The following SHANK2 variants were observed in gnomAD, a reference collection of about 807,000 sequenced individuals.
SHANK2 encodes the protein SH3 and multiple ankyrin repeat domains protein 2.
In SHANK2, 43 loss-of-function variants were observed where a neutral mutation model predicts 133.7. That is an observed-to-expected ratio of 0.32 (90% CI 0.25 to 0.41). SHANK2 has a LOEUF of 0.41. Among genes scored for constraint, SHANK2 ranks in the 10% least tolerant of loss-of-function variants. The probability of loss-of-function intolerance (pLI) is 1.00; values close to 1 mark genes in which losing one functional copy is unlikely to be tolerated. For missense variants in SHANK2, 1,994 were observed against 2,235.8 expected (o/e 0.89, Z 2.18); for synonymous variants, 1,017 against 952.8 (o/e 1.07, Z -1.24).
intron 9 of SHANK2, among the ~76,000 whole-genome samples, chr11:71,062,902 C>A (rs911394718): frequency 1.3e-5 from 2 of 148,182 alleles, no homozygotes; most frequent in Admixed American, 1.4e-4. Context: ...GAGGCTGAGG[C>A]AGGAGGATCT....
chr11:71,127,178 T>G lies in SHANK2; in HGVS notation c.208-8146A>C, dbSNP rs113583214. Among the ~76,000 whole-genome samples, 262 of 152,312 alleles carry G rather than the reference T, an allele frequency of 1.7e-3. 1 individual carries two copies. Among genetic ancestry groups the G allele is most frequent in the African/African-American group, 5.8e-3 (240 of 41,574 alleles). ...TTAGAAGTGGGGCTGACGATGGGACTGAATTGCTGCAATCTCATGATAAAA... is the reference window on the plus strand; with the variant it reads ...TTAGAAGTGGGGCTGACGATGGGACGGAATTGCTGCAATCTCATGATAAAA... On this transcript the variant is annotated intron_variant, in intron 3 of 25. Transcript: ENST00000601538.
intron 11 of SHANK2, among the ~76,000 whole-genome samples, chr11:70,831,180 C>T (rs1204329169): frequency 6.6e-6 from 1 of 152,132 alleles, no homozygotes; most frequent in Non-Finnish European, 1.5e-5. Context: ...CCTGCCCGCA[C>T]ACCCACCCGT....
At chr11:70,691,096 A>G (rs1945279668) in intron 15 of SHANK2, among the ~76,000 whole-genome samples, 2 of 152,128 alleles carry the variant, frequency 1.3e-5, no homozygotes, top group Non-Finnish European at 2.9e-5. Context: ...ACATGCATGC[A>G]GTACTTGGAT....
intron 23 of SHANK2, 172 bp from the exon 24 acceptor site, chr11:70,489,520 C>A: frequency 1.4e-6 from 1 of 705,800 alleles, no homozygotes; most frequent in Non-Finnish European, 2.6e-6. Flanking sequence ...AAGCACGCTG[C>A]GCTTTTGCAC....
chr11:70,946,357 C>A (rs1950734660), intron 10 of SHANK2, among the ~76,000 whole-genome samples: 1 of 149,056 alleles, frequency 6.7e-6, no homozygotes, highest in African/African-American at 2.5e-5. Flanking sequence ...CTCCACTAAC[C>A]AACACTTCCC....
intron 15 of SHANK2, among the ~76,000 whole-genome samples, chr11:70,697,139 C>T (rs1945410760): frequency 6.6e-6 from 1 of 152,198 alleles, no homozygotes; most frequent in African/African-American, 2.4e-5. Context: ...TGCATTAATG[C>T]AGACAGAGTT....
intron 15 of SHANK2, among the ~76,000 whole-genome samples, chr11:70,682,252 G>A (rs554786669): frequency 5.9e-5 from 9 of 152,248 alleles, no homozygotes; most frequent in Admixed American, 1.3e-4. Flanking sequence ...CCCCACCCCC[G>A]GACGGTTACT....
intron 1 of SHANK2, among the ~76,000 whole-genome samples, chr11:71,231,560 A>G (rs1266849361): frequency 6.6e-6 from 1 of 152,108 alleles, no homozygotes; most frequent in African/African-American, 2.4e-5. Context: ...CCCAAAAACC[A>G]CACTCCTAGG....
intron 10 of SHANK2, among the ~76,000 whole-genome samples, chr11:70,914,318 T>C (rs1167827994): frequency 1.3e-5 from 2 of 151,896 alleles, no homozygotes; most frequent in Non-Finnish European, 2.9e-5. Context: ...AGAATCCACC[T>C]GGCACCAGGA....
chr11:70,704,557 G>A (rs1215453661), intron 14 of SHANK2, among the ~76,000 whole-genome samples: 1 of 152,230 alleles, frequency 6.6e-6, no homozygotes, highest in African/African-American at 2.4e-5. Flanking sequence ...TTAAGGACAG[G>A]TGGCTTTTTT....
intron 10 of SHANK2, among the ~76,000 whole-genome samples, chr11:70,910,543 C>T (rs1279418000): frequency 6.6e-6 from 1 of 152,084 alleles, no homozygotes; most frequent in African/African-American, 2.4e-5. Flanking sequence ...TGTGGTGGCT[C>T]ACACCTGTAA....
chr11:70,712,019 C>A, intron 14 of SHANK2, among the ~76,000 whole-genome samples: 1 of 152,256 alleles, frequency 6.6e-6, no homozygotes, highest in African/African-American at 2.4e-5. Context: ...GAGCTGCAGG[C>A]TGGAAGTCTG....
At chr11:70,912,282 T>C (rs918243654) in intron 10 of SHANK2, among the ~76,000 whole-genome samples, 5 of 152,144 alleles carry the variant, frequency 3.3e-5, no homozygotes, top group Non-Finnish European at 7.3e-5. Flanking sequence ...TTATGGGGTA[T>C]CAACTACATT....
chr11:70,820,566 G>C lies in SHANK2; in HGVS notation c.1291C>G (p.Pro431Ala), dbSNP rs1555055675. 1 of 716,846 alleles carries C rather than the reference G, an allele frequency of 1.4e-6. No homozygotes were observed. Among genetic ancestry groups the C allele is most frequent in the South Asian group, 1.5e-5 (1 of 67,570 alleles). 44.4% of individuals were successfully genotyped at this position (716,846 alleles called of 1,614,324 possible). A position where few individuals can be genotyped will look rare whatever the true frequency, so the allele number is the denominator to read the frequency against. Reference protein sequence around the residue: ...NSDNNLNASAPDWAVCSTATS... With the variant: ...NSDNNLNASAADWAVCSTATS... ...GCCGTGGAGCAGACGGCCCAGTCGG[G>C]AGCGCTGGCATTGAGGTTGTTGTCA... The change falls in exon 12 of 26, where the codon CCC becomes GCC. Residue 431 changes from proline to alanine, a missense_variant. By Grantham distance (27) the Pro-to-Ala change is conservative (BLOSUM62 -1). Transcript: ENST00000601538.
intron 14 of SHANK2, among the ~76,000 whole-genome samples, chr11:70,772,243 C>A (rs1362835185): frequency 6.6e-6 from 1 of 151,760 alleles, no homozygotes; most frequent in Non-Finnish European, 1.5e-5. Flanking sequence ...AGTTTGAGAC[C>A]AGCCTGGCCA....
chr11:70,771,992 C>T lies in SHANK2; in HGVS notation c.1777+26451G>A, dbSNP rs185600621. Among the ~76,000 whole-genome samples the T allele has an allele frequency of 4.5e-4, 68 of 152,228 alleles. 2 individuals are homozygous for T. The highest frequency in any genetic ancestry group is 1.5e-3 in the African/African-American group (64 of 41,516). ...AGGTGAAGGTCTCTAAGGATGAGGA[C>T]GGCTCAAGTCAGTGGAACCCACTGT... is the stretch of plus-strand genomic sequence containing the variant. On this transcript the variant is annotated intron_variant, in intron 14 of 25. Coordinates refer to ENST00000601538, the MANE Select transcript of SHANK2 (RefSeq NM_012309.5).
chr11:71,097,210 C>G (rs560049818), intron 6 of SHANK2, among the ~76,000 whole-genome samples: 2 of 152,244 alleles, frequency 1.3e-5, no homozygotes, highest in Admixed American at 1.3e-4. Flanking sequence ...CAGGAGACCC[C>G]CTCTTCCCGC....
Position 70,935,964 on chromosome 11 carries a change from C to G in SHANK2, c.1108-39397G>C, listed in dbSNP as rs560237522. ...CACACCCGCCAAGGACCATCTCTTT[C>G]CCCTACCTGTCCCTGCTGCACCGGC... On this transcript the variant is annotated intron_variant, in intron 10 of 25. Coordinates refer to ENST00000601538, the MANE Select transcript of SHANK2 (RefSeq NM_012309.5). 3.9e-5 allele frequency among the ~76,000 whole-genome samples: 6 copies of G among 152,302 alleles called. No homozygotes were observed. In the East Asian group the frequency reaches 9.7e-4, roughly 25 times the overall value.
chr11:70,761,665 G>T (rs1050015586), intron 14 of SHANK2, among the ~76,000 whole-genome samples: 14 of 152,156 alleles, frequency 9.2e-5, no homozygotes, highest in African/African-American at 2.9e-4. Flanking sequence ...TGGGGGTCTT[G>T]CCAGCAGGCA....
Sources: allele counts gnomAD v4.1 joint callset (sites outside exome capture counted in the v4.1 genomes callset), GRCh38; gene constraint gnomAD v4.1.1; transcripts MANE v1.5; gene names NCBI Gene and HGNC (gene_info 2026-07-23, HGNC 2026-07-21).